The following SHROOM2 variants were observed in gnomAD, a reference collection of about 807,000 sequenced individuals.
The protein encoded by SHROOM2 is shroom family member 2.
SHROOM2 carries 33 observed loss-of-function variants against 75.9 expected under a neutral mutation model. The ratio of observed to expected loss-of-function variants is 0.43; its 90% CI spans 0.33 to 0.58. The LOEUF is 0.58. SHROOM2 is among the 20% of genes least tolerant of loss of function. The pLI is 0.04. For synonymous variants in SHROOM2, 655 were observed against 663.6 expected, an observed-to-expected ratio of 0.99 and a Z score of 0.20; for missense variants, 1,434 against 1,461.2, an observed-to-expected ratio of 0.98 and a Z score of 0.30.
intron 5 of SHROOM2, among the ~76,000 whole-genome samples, chrX:9,914,704 C>G (rs1036154070): frequency 8.9e-6 from 1 of 111,732 alleles, no homozygotes; most frequent in African/African-American, 3.3e-5. Context: ...ATATGTATAC[C>G]TTGGGTCCTA....
At chrX:9,912,707 T>A in intron 5 of SHROOM2, 1 of 112,107 alleles carries the variant, frequency 8.9e-6, no homozygotes, top group Non-Finnish European at 1.9e-5. Context: ...GTGGCTCTTT[T>A]GTTCTGCTAT....
Position 9,895,324 on chromosome X carries a change from C to T in SHROOM2, c.1416C>T (p.Ser472=), listed in dbSNP as rs776501007. The change falls in exon 4 of 10, where the codon AGC becomes AGT. Residue 472 remains serine (S), a synonymous_variant. Transcript: ENST00000380913. ...GCAGCTGTGACCAGAAGCTGGGGAG[C>T]GGCTGGCAGGGTCCCCGGCCCTGTG... ...GLSSCDQKLG[S]GWQGPRPCVQ... is the part of the protein sequence containing the mutation. The T allele has an allele frequency of 2.2e-5, 26 of 1,171,275 alleles. No homozygotes were observed. In the South Asian group the frequency reaches 4.3e-4, roughly 20 times the overall value.
intron 1 of SHROOM2, among the ~76,000 whole-genome samples, chrX:9,866,246 G>C (rs1193491493): frequency 5.5e-5 from 6 of 109,048 alleles, no homozygotes; most frequent in African/African-American, 2.0e-4. Context: ...TTTCCTGGAT[G>C]AGTCAGGTTT....
chrX:9,792,454 G>GTTTTTTT (rs34640554), intron 1 of SHROOM2, among the ~76,000 whole-genome samples: 3 of 98,256 alleles, frequency 3.1e-5, no homozygotes, highest in Non-Finnish European at 4.2e-5. Context: ...GTTTTTTTGT[G>GTTTTTTT]TTGTTTTTTT....
intron 1 of SHROOM2, among the ~76,000 whole-genome samples, chrX:9,813,021 A>G (rs1254409065): frequency 1.8e-5 from 2 of 111,707 alleles, no homozygotes; most frequent in African/African-American, 6.5e-5. Flanking sequence ...TGCACGGGCT[A>G]AATGGGAGAG....
At chrX:9,789,907 G>A (rs1215520425) in intron 1 of SHROOM2, among the ~76,000 whole-genome samples, 1 of 112,050 alleles carries the variant, frequency 8.9e-6, no homozygotes, top group Non-Finnish European at 1.9e-5. Flanking sequence ...TTGATTTTCG[G>A]GTTGCCATTG....
chrX:9,823,209 C>T (rs12011659), intron 1 of SHROOM2, among the ~76,000 whole-genome samples: 3 of 12,546 alleles, frequency 2.4e-4, no homozygotes, highest in Non-Finnish European at 4.4e-4. Context: ...TCTCCTCTTC[C>T]TCCTCCTCCT....
rs775781183 is a variant in SHROOM2 at position 9,946,552 on chromosome X, C to T, written c.4585-119C>T. ...GTGGACCCCATCGGATCTCTGGTGG[C>T]ATCAGGGTTTCCATCGATAAGTTGT... On this transcript the variant is annotated intron_variant, in intron 9 of 9. Coordinates refer to ENST00000380913, the MANE Select transcript of SHROOM2 (RefSeq NM_001649.4). The T allele has an allele frequency of 6.0e-3, 3,775 of 628,612 alleles. 19 individuals are homozygous for T. The highest frequency in any genetic ancestry group is 5.8e-3 in the Non-Finnish European group (2,381 of 410,794). The allele number at this position is 628,612 out of a possible 1,213,427, so 51.8% of individuals were successfully genotyped here. A position where few individuals can be genotyped will look rare whatever the true frequency, so the allele number is the denominator to read the frequency against.
intron 9 of SHROOM2, among the ~76,000 whole-genome samples, chrX:9,945,737 A>T (rs907116665): frequency 9.8e-5 from 11 of 111,833 alleles, no homozygotes; most frequent in African/African-American, 3.6e-4. Context: ...GGAAGCAGAC[A>T]GTGCATCTAA....
intron 1 of SHROOM2, among the ~76,000 whole-genome samples, chrX:9,820,198 A>G (rs1388168405): frequency 9.8e-6 from 1 of 101,922 alleles, no homozygotes; most frequent in African/African-American, 3.6e-5. Context: ...GTAAATATGA[A>G]GAGTTGTCCA....
chrX:9,943,803 G>T (rs747676493), intron 8 of SHROOM2, among the ~76,000 whole-genome samples: 1 of 112,209 alleles, frequency 8.9e-6, no homozygotes, highest in Non-Finnish European at 1.9e-5. Context: ...AAGTTCATTC[G>T]TATCCCTTTA....
At chrX:9,922,642 CT>C (rs2084557303) in intron 5 of SHROOM2, among the ~76,000 whole-genome samples, 1 of 111,460 alleles carries the variant, frequency 9.0e-6, no homozygotes, top group Non-Finnish European at 1.9e-5. Context: ...TACAGCACCA[CT>C]GGTTGATCCA....
At chrX:9,937,822 T>G (rs1004230836) in intron 7 of SHROOM2, 137 bp downstream of exon 7, 1 of 561,718 alleles carries the variant, frequency 1.8e-6, no homozygotes, top group Non-Finnish European at 2.8e-6. Flanking sequence ...TCCTCGATGC[T>G]TAGCACTTTT....
chrX:9,853,569 A>G (rs767098431), intron 1 of SHROOM2, among the ~76,000 whole-genome samples: 39 of 111,253 alleles, frequency 3.5e-4, no homozygotes, highest in Non-Finnish European at 6.2e-4. Context: ...CATCATGCCA[A>G]TCTCTGCTTC....
At chrX:9,914,476 G>T (rs755942387) in intron 5 of SHROOM2, among the ~76,000 whole-genome samples, 4 of 110,775 alleles carry the variant, frequency 3.6e-5, no homozygotes, top group East Asian at 2.9e-4. Context: ...GCAGTGGGAA[G>T]AAGCTGATGT....
intron 6 of SHROOM2, among the ~76,000 whole-genome samples, chrX:9,936,438 CTG>C (rs1045665543): frequency 8.9e-5 from 10 of 111,915 alleles, no homozygotes; most frequent in Non-Finnish European, 1.7e-4. Flanking sequence ...AAAAGCAAAA[CTG>C]TGCCCTTTGG....
chrX:9,848,043 C>T (rs1237597317), intron 1 of SHROOM2, among the ~76,000 whole-genome samples: 1 of 111,882 alleles, frequency 8.9e-6, no homozygotes, highest in African/African-American at 3.2e-5. Flanking sequence ...GGTCAATACT[C>T]CCCATGTCTG....
rs386416608 is a variant in SHROOM2 at position 9,882,178 on chromosome X, C to CTTTTTTT, written c.317+8387_317+8393dup. 3.7e-4 allele frequency among the ~76,000 whole-genome samples: 26 copies of CTTTTTTT among 71,014 alleles called. 1 individual carries two copies. Among genetic ancestry groups the CTTTTTTT allele is most frequent in the Admixed American group, 6.0e-4 (3 of 4,992 alleles). 61.7% of individuals were successfully genotyped at this position (71,014 alleles called of 115,157 possible). On this transcript the variant is annotated intron_variant, in intron 2 of 9. Transcript: ENST00000380913. ...AACAGCAGTCTGCAATCCCTTGTTG[C>CTTTTTTT]TTTTTTTTTTTTTTTTTTGGTATGG...
Position 9,944,693 on chromosome X carries a change from G to A in SHROOM2, c.4364G>A (p.Arg1455His), listed in dbSNP as rs1217759175. The A allele has an allele frequency of 4.1e-6, 5 of 1,209,435 alleles. No homozygotes were observed. Among genetic ancestry groups the A allele is most frequent in the Admixed American group, 4.4e-5 (2 of 45,763 alleles). Residue 1455 changes from arginine (R) to histidine (H), a missense_variant, in exon 9 of 10, where the codon CGC (arginine) becomes CAC (histidine). Coordinates refer to ENST00000380913, the MANE Select transcript of SHROOM2 (RefSeq NM_001649.4). ...AAGCTGCAGGTGCTCCGGGAGGCCCGCGAGAGCCTGCTGGAGGACGTGCAG... is the reference window on the plus strand; with the variant it reads ...AAGCTGCAGGTGCTCCGGGAGGCCCACGAGAGCCTGCTGGAGGACGTGCAG... ...SRKLQVLREA[R>H]ESLLEDVQAN...
Sources: allele counts gnomAD v4.1 joint callset (sites outside exome capture counted in the v4.1 genomes callset), GRCh38; gene constraint gnomAD v4.1.1; transcripts MANE v1.5; gene names NCBI Gene and HGNC (gene_info 2026-07-23, HGNC 2026-07-21).